Variants in PCDHAC1 observed in about 807,000 individuals in gnomAD.
The protein encoded by PCDHAC1 is protocadherin alpha subfamily C, 1.
PCDHAC1 carries 42 observed loss-of-function variants against 60.0 expected under a neutral mutation model. The observed-to-expected ratio is 0.70, with a 90% CI of 0.55 to 0.90. The LOEUF (loss-of-function observed/expected upper bound fraction) is 0.90. PCDHAC1 is among the 40% of genes least tolerant of loss of function. The probability of loss-of-function intolerance (pLI) is 0.00; values close to 1 mark genes in which losing one functional copy is unlikely to be tolerated. For missense variants in PCDHAC1, 1,160 were observed against 1,222.3 expected (o/e 0.95, Z 0.76); for synonymous variants, 468 against 499.3 (o/e 0.94, Z 0.84).
intron 1 of PCDHAC1, among the ~76,000 whole-genome samples, chr5:140,961,327 AGAGACCAAGAGTG>A (rs1375426442): frequency 6.6e-6 from 1 of 152,206 alleles, no homozygotes. Context: ...CTGTTTCTTG[AGAGACCAAGAGTG>A]GATCCCTGTA....
In PCDHAC1 at chr5:141,011,214, T is replaced by C. The variant is rs2098419822; in HGVS notation, c.*1277T>C. On this transcript the variant is annotated 3_prime_UTR_variant, in exon 4 of 4. Transcript: ENST00000253807. ...ATTGTTTTCTCATACAGTGAGCAGA[T>C]TTTTCAATCTACTAATTCTGTGACT... 1 of 153,748 alleles carries C rather than the reference T, an allele frequency of 6.5e-6. No individual in the cohort carries two copies. Among genetic ancestry groups the C allele is most frequent in the African/African-American group, 2.4e-5 (1 of 41,448 alleles). The allele number at this position is 153,748 out of a possible 1,614,324, so 9.5% of individuals were successfully genotyped here. A position where few individuals can be genotyped will look rare whatever the true frequency, so the allele number is the denominator to read the frequency against.
chr5:140,930,321 T>C (rs1166503889), intron 1 of PCDHAC1: 7 of 152,186 alleles, frequency 4.6e-5, no homozygotes, highest in Non-Finnish European at 1.0e-4. Flanking sequence ...TTGAGAGTAA[T>C]GTATCTAATG....
At chr5:140,946,611 A>AATATAT (rs1554217734) in intron 1 of PCDHAC1, among the ~76,000 whole-genome samples, 1,127 of 86,766 alleles carry the variant, frequency 0.013, 130 homozygotes, top group African/African-American at 0.067. Flanking sequence ...GAAAATGTGA[A>AATATAT]ATATATATAT....
chr5:140,929,646 A>G (rs868995130), intron 1 of PCDHAC1: 1 of 365,824 alleles, frequency 2.7e-6, no homozygotes, highest in Non-Finnish European at 5.0e-6. Flanking sequence ...TGTGTAAGGC[A>G]CTCTAATATT....
intron 1 of PCDHAC1, chr5:140,969,343 G>C: frequency 1.2e-6 from 2 of 1,613,728 alleles, no homozygotes; most frequent in Non-Finnish European, 1.7e-6. Flanking sequence ...TGAGACAGTG[G>C]TCAGGGGGTC....
intron 1 of PCDHAC1, among the ~76,000 whole-genome samples, chr5:140,963,588 A>G (rs1554226668): frequency 6.6e-6 from 1 of 152,218 alleles, no homozygotes; most frequent in African/African-American, 2.4e-5. Flanking sequence ...AATGTAGGAT[A>G]TAGTTCTAGA....
At chr5:140,966,505 A>C (rs2096011889) in intron 1 of PCDHAC1, 2 of 427,984 alleles carry the variant, frequency 4.7e-6, no homozygotes, top group Non-Finnish European at 8.1e-6. Context: ...CTGTAGCGGC[A>C]GCAGCAGCAG....
intron 1 of PCDHAC1, among the ~76,000 whole-genome samples, chr5:140,952,087 C>T (rs2094684318): frequency 6.6e-6 from 1 of 152,162 alleles, no homozygotes. Context: ...CTCCATGTCT[C>T]ACATCCAGGG....
At chr5:140,945,705 A>G (rs868920609) in intron 1 of PCDHAC1, among the ~76,000 whole-genome samples, 5 of 152,154 alleles carry the variant, frequency 3.3e-5, no homozygotes, top group South Asian at 2.1e-4. Flanking sequence ...GATTTGCAAC[A>G]AAAGTATCAA....
At chr5:140,968,624 C>CT in intron 1 of PCDHAC1, 3 of 1,614,176 alleles carry the variant, frequency 1.9e-6, no homozygotes, top group East Asian at 2.2e-5. Context: ...AAATGCTTGG[C>CT]TTTTTTACCA....
In PCDHAC1 at chr5:140,926,779, C is replaced by T. The variant is rs1262086128; in HGVS notation, c.-114C>T. 8 of 1,398,696 alleles carry T rather than the reference C, an allele frequency of 5.7e-6. No individual in the cohort carries two copies. In the South Asian group the frequency reaches 1.2e-4, roughly 21 times the overall value. 86.6% of individuals were successfully genotyped at this position (1,398,696 alleles called of 1,614,324 possible). A position where few individuals can be genotyped will look rare whatever the true frequency, so the allele number is the denominator to read the frequency against. On this transcript the variant is annotated 5_prime_UTR_variant, in exon 1 of 4. It adds an upstream start codon to the 5' untranslated region. Transcript: ENST00000253807. ...CTGAGTATCCAGCCCGCAGCAGTGACGGCCGGCAGGAGCGTGCTCTTCCCC... is the reference window on the plus strand; with the variant it reads ...CTGAGTATCCAGCCCGCAGCAGTGATGGCCGGCAGGAGCGTGCTCTTCCCC...
In PCDHAC1 at chr5:140,967,564, A is replaced by G. The variant is rs1554229677; in HGVS notation, c.2434-11385A>G. Reference sequence around the variant, plus strand: ...ACCAGTCCACTTATCGCGTCCAGCTACGGGAGGACTCACCCCCAGGCACAT... The same window carrying G: ...ACCAGTCCACTTATCGCGTCCAGCTGCGGGAGGACTCACCCCCAGGCACAT... On this transcript the variant is annotated intron_variant, in intron 1 of 3. Coordinates refer to ENST00000253807, the MANE Select transcript of PCDHAC1 (RefSeq NM_018898.5). 10 of 1,614,070 alleles carry G rather than the reference A, an allele frequency of 6.2e-6. No individual in the cohort carries two copies. The Middle Eastern group carries it at 4.9e-4, about 80-fold the overall frequency.
intron 1 of PCDHAC1, among the ~76,000 whole-genome samples, chr5:140,935,315 A>G (rs552631416): frequency 5.9e-5 from 9 of 152,306 alleles, no homozygotes; most frequent in East Asian, 5.8e-4. Context: ...AACTTCATCA[A>G]TCTTACATTC....
At position 140,931,440 on chromosome 5, in the gene PCDHAC1, A is replaced by C. The variant is rs539915059; in HGVS notation, c.2433+2115A>C. Among the ~76,000 whole-genome samples the C allele has an allele frequency of 2.1e-5, 3 of 141,482 alleles. No individual in the cohort carries two copies. In the South Asian group the frequency reaches 6.9e-4, roughly 32 times the overall value. 92.8% of individuals were successfully genotyped at this position (141,482 alleles called of 152,430 possible). A position where few individuals can be genotyped will look rare whatever the true frequency, so the allele number is the denominator to read the frequency against. ...CTAGAAGTTAGAAGGAAAATTAGCT[A>C]TTTAAAAGGAAAAATATAGGAATGA... On this transcript the variant is annotated intron_variant, in intron 1 of 3. Transcript: ENST00000253807.
intron 3 of PCDHAC1, among the ~76,000 whole-genome samples, chr5:140,987,130 C>G (rs1220504537): frequency 6.6e-6 from 1 of 151,648 alleles, no homozygotes; most frequent in East Asian, 1.9e-4. Context: ...AGGAGAATTG[C>G]TTGAACTCGG....
At chr5:140,961,446 T>G (rs1318543773) in intron 1 of PCDHAC1, among the ~76,000 whole-genome samples, 1 of 152,238 alleles carries the variant, frequency 6.6e-6, no homozygotes. Flanking sequence ...CTAACTACAC[T>G]GTCTTGCAGC....
intron 1 of PCDHAC1, among the ~76,000 whole-genome samples, chr5:140,936,248 G>A (rs2090860399): frequency 6.6e-6 from 1 of 152,086 alleles, no homozygotes; most frequent in Admixed American, 6.5e-5. Context: ...AACATATCCT[G>A]CTTCAAGTCA....
At chr5:140,967,989 T>G (rs781892084) in intron 1 of PCDHAC1, 2 of 1,614,228 alleles carry the variant, frequency 1.2e-6, no homozygotes, top group Non-Finnish European at 1.7e-6. Flanking sequence ...GAGGCCACAC[T>G]GCCTTTCCGA....
At position 141,011,769 on chromosome 5, in the gene PCDHAC1, A is replaced by C. The variant is rs2098421803; in HGVS notation, c.*1832A>C. 1 of 153,794 alleles carries C rather than the reference A, an allele frequency of 6.5e-6. No homozygotes were observed. The highest frequency in any genetic ancestry group is 1.5e-5 in the Non-Finnish European group (1 of 68,040). 9.5% of individuals were successfully genotyped at this position (153,794 alleles called of 1,614,324 possible). On this transcript the variant is annotated 3_prime_UTR_variant, in exon 4 of 4. Coordinates refer to ENST00000253807, the MANE Select transcript of PCDHAC1 (RefSeq NM_018898.5). ...AATCTGACCTCTTTGAAGTTGCAGA[A>C]TGCTTTGAAATTCTAATGGTATCTG... is the stretch of plus-strand genomic sequence containing the variant.
Sources: allele counts gnomAD v4.1 joint callset (sites outside exome capture counted in the v4.1 genomes callset), GRCh38; gene constraint gnomAD v4.1.1; transcripts MANE v1.5; gene names NCBI Gene and HGNC (gene_info 2026-07-23, HGNC 2026-07-21).